Variants in BRCA2 observed in about 807,000 individuals in gnomAD.
BRCA2 encodes the protein BRCA2 DNA repair associated.
A neutral mutation model predicts 276.7 loss-of-function variants in BRCA2; 203 were observed. The observed-to-expected ratio is 0.73, with a 90% CI of 0.65 to 0.82. BRCA2 has a LOEUF of 0.82. BRCA2 is among the 40% of genes least tolerant of loss of function. The pLI, the probability that BRCA2 is intolerant of heterozygous loss-of-function variation, is 0.00. For missense variants in BRCA2, 3,920 were observed against 3,915.0 expected, an observed-to-expected ratio of 1.00 and a Z score of -0.03; for synonymous variants, 1,289 against 1,338.4, an observed-to-expected ratio of 0.96 and a Z score of 0.81.
At chr13:32,327,687 A>T (rs1299139419) in intron 7 of BRCA2, among the ~76,000 whole-genome samples, 2 of 151,570 alleles carry the variant, frequency 1.3e-5, no homozygotes, top group Non-Finnish European at 2.9e-5. Flanking sequence ...AAAAAAAAAA[A>T]TCCTGTTATA....
intron 18 of BRCA2, among the ~76,000 whole-genome samples, chr13:32,368,315 C>T (rs979439167): frequency 1.3e-5 from 2 of 151,894 alleles, no homozygotes; most frequent in Non-Finnish European, 2.9e-5. Flanking sequence ...CCTGTAAATC[C>T]AGAAAAGGAT....
intron 10 of BRCA2, among the ~76,000 whole-genome samples, chr13:32,334,084 G>T (rs562948364): frequency 3.3e-5 from 5 of 152,294 alleles, no homozygotes; most frequent in African/African-American, 1.2e-4. Flanking sequence ...TGAATGTACA[G>T]GTGGATGTAT....
intron 22 of BRCA2, 75 bp downstream of exon 22, chr13:32,379,590 A>G: frequency 1.9e-6 from 3 of 1,553,916 alleles, no homozygotes; most frequent in Non-Finnish European, 2.6e-6. Flanking sequence ...ATGATTATAA[A>G]TCCAGATAAA....
chr13:32,338,784 A>T lies in BRCA2; in HGVS notation c.4429A>T (p.Ile1477Phe), dbSNP rs1159807733. 2 of 1,612,624 alleles carry T rather than the reference A, an allele frequency of 1.2e-6. No individual in the cohort carries two copies. Among genetic ancestry groups the T allele is most frequent in the East Asian group, 4.5e-5 (2 of 44,868 alleles). The change falls in exon 11 of 27, where the codon ATT becomes TTT. Residue 1477 changes from isoleucine to phenylalanine, a missense_variant. Transcript: ENST00000380152. ...TGACATAAGAAAGAACAAAATGGACATTCTAAGTTATGAGGAAACAGACAT... is the reference window on the plus strand; with the variant it reads ...TGACATAAGAAAGAACAAAATGGACTTTCTAAGTTATGAGGAAACAGACAT... Reference protein sequence around the residue: ...HSDIRKNKMDILSYEETDIVK... With the variant: ...HSDIRKNKMDFLSYEETDIVK...
In BRCA2 at chr13:32,339,476, T is replaced by C. The variant is rs1555284078; in HGVS notation, c.5121T>C (p.Thr1707=). The C allele has an allele frequency of 6.3e-7, 1 of 1,584,412 alleles. No individual in the cohort carries two copies. Among genetic ancestry groups the C allele is most frequent in the South Asian group, 1.2e-5 (1 of 85,666 alleles). The change falls in exon 11 of 27, where the codon ACT becomes ACC. Residue 1707 remains threonine (T), a synonymous_variant. Coordinates refer to ENST00000380152, the MANE Select transcript of BRCA2 (RefSeq NM_000059.4). The part of the protein sequence containing the change: ...IFDGQPERIN[T]ADYVGNYLYE... ...ATGGTCAACCAGAAAGAATAAATAC[T>C]GCAGATTATGTAGGAAATTATTTGT...
intron 13 of BRCA2, among the ~76,000 whole-genome samples, chr13:32,354,653 C>A (rs1673104479): frequency 6.6e-6 from 1 of 152,024 alleles, no homozygotes; most frequent in African/African-American, 2.4e-5. Context: ...AGACTCTCTT[C>A]TATTATGTGT....
Position 32,336,862 on chromosome 13 carries a change from C to T in BRCA2, c.2507C>T (p.Pro836Leu), listed in dbSNP as rs397507288. Residue 836 changes from proline to leucine, a missense_variant, in exon 11 of 27, where the codon CCT becomes CTT. By Grantham distance (98) the Pro-to-Leu change is moderately conservative. Transcript: ENST00000380152. ...ENYKNVELLP[P>L]EKYMRVASPS... ...TATAAAAACGTTGAGCTGTTGCCAC[C>T]TGAAAAATACATGAGAGTAGCATCA... 1 of 1,609,794 alleles carries T rather than the reference C, an allele frequency of 6.2e-7. No individual in the cohort carries two copies. The highest frequency in any genetic ancestry group is 1.3e-5 in the African/African-American group (1 of 74,524).
At chr13:32,386,421 A>G (rs2072961227) in intron 24 of BRCA2, among the ~76,000 whole-genome samples, 1 of 152,158 alleles carries the variant, frequency 6.6e-6, no homozygotes, top group South Asian at 2.1e-4. Context: ...ATAAAGAAAA[A>G]ATGATAATCA....
rs762841458 is a variant in BRCA2, at chr13:32,338,698, A to T, written c.4343A>T (p.Asn1448Ile). ...AAAGAGTCATTTAATAAAATTGTAAATTTCTTTGATCAGAAACCAGAAGAA... is the reference window on the plus strand; with the variant it reads ...AAAGAGTCATTTAATAAAATTGTAATTTTCTTTGATCAGAAACCAGAAGAA... ...VAKESFNKIV[N>I]FFDQKPEELH... The change falls in exon 11 of 27, where the codon AAT (asparagine) becomes ATT (isoleucine). Residue 1448 changes from asparagine (N) to isoleucine (I), a missense_variant. Asn to Ile is a moderately radical substitution (Grantham distance 149, BLOSUM62 -3). This residue lies in a region of BRCA2 where 3,263 missense variants were observed against 3,156.9 expected (regional missense o/e 1.03). Transcript: ENST00000380152. 6.3e-6 allele frequency: 10 copies of T among 1,591,778 alleles called. No homozygotes were observed. Among genetic ancestry groups the T allele is most frequent in the Non-Finnish European group, 8.6e-6 (10 of 1,166,864 alleles).
intron 7 of BRCA2, among the ~76,000 whole-genome samples, chr13:32,328,875 A>AGTGTGT (rs397843915): frequency 6.6e-6 from 1 of 150,926 alleles, no homozygotes; most frequent in South Asian, 2.1e-4. Context: ...GCAGTCATAA[A>AGTGTGT]GTGTGTGTGT....
At chr13:32,322,624 A>G (rs1465660987) in intron 3 of BRCA2, among the ~76,000 whole-genome samples, 2 of 152,176 alleles carry the variant, frequency 1.3e-5, no homozygotes, top group Non-Finnish European at 2.9e-5. Context: ...CATTCCGGTA[A>G]ACCCACAAGC....
intron 3 of BRCA2, 64 bp downstream of exon 3, chr13:32,319,389 TA>T: frequency 6.8e-7 from 1 of 1,477,834 alleles, no homozygotes; most frequent in Non-Finnish European, 9.3e-7. Flanking sequence ...AAACCTGTGT[TA>T]AAATCTTAGC....
intron 21 of BRCA2, among the ~76,000 whole-genome samples, chr13:32,377,965 C>A (rs1413357135): frequency 6.6e-6 from 1 of 152,146 alleles, no homozygotes; most frequent in Non-Finnish European, 1.5e-5. Context: ...CCCTCCTGTT[C>A]CGAAATGTTA....
rs1359975493 is a variant in BRCA2 at position 32,325,084 on chromosome 13, G to A, written c.325G>A (p.Val109Ile). ...DKFKLDLGRN[V>I]PNSRHKSLRT... ...TTATTGTACTGTTTCAGGAAGGAATGTTCCCAATAGTAGACATAAAAGTCT... is the reference window on the plus strand; with the variant it reads ...TTATTGTACTGTTTCAGGAAGGAATATTCCCAATAGTAGACATAAAAGTCT... Residue 109 changes from valine (V) to isoleucine (I), a missense_variant, in exon 4 of 27, where the codon GTT (valine) becomes ATT (isoleucine). Physicochemically the swap from Val to Ile is conservative, Grantham distance 29. Around this residue, in one of 2 missense-constraint regions of BRCA2, gnomAD observed 3,263 missense variants for 3,156.9 expected, o/e 1.03. Transcript: ENST00000380152. 6.3e-7 allele frequency: 1 copy of A among 1,582,160 alleles called. No individual in the cohort carries two copies. The highest frequency in any genetic ancestry group is 1.1e-5 in the South Asian group (1 of 90,406).
intron 25 of BRCA2, chr13:32,396,062 C>G (rs1215388731): frequency 5.0e-6 from 1 of 200,426 alleles, no homozygotes; most frequent in Non-Finnish European, 1.0e-5. Context: ...CAGTGTCTGC[C>G]TCCTGGGCTC....
Position 32,330,987 on chromosome 13 carries a change from G to A in BRCA2, c.750G>A (p.Val250=), listed in dbSNP as rs143214959. The change falls in exon 9 of 27, where the codon GTG becomes GTA. Residue 250 remains valine, a synonymous_variant. Transcript: ENST00000380152. ...LKKNDRFIAS[V]TDSENTNQRE... ...AAAATGATAGATTTATCGCTTCTGT[G>A]ACAGACAGTGAAAACACAAATCAAA... The A allele has an allele frequency of 8.3e-5, 134 of 1,613,406 alleles. No individual in the cohort carries two copies. Among genetic ancestry groups the A allele is most frequent in the Non-Finnish European group, 1.1e-4 (128 of 1,179,546 alleles).
In BRCA2 at chr13:32,329,493, G is replaced by GT. The variant is rs587781486; in HGVS notation, c.681+2dup. Reference sequence around the variant, plus strand: ...TGTATTTCCTCATGATACTACTGCTGTAAGTAAATATGACATTGATTAGAC... The same window carrying GT: ...TGTATTTCCTCATGATACTACTGCTGTTAAGTAAATATGACATTGATTAGAC... On this transcript the variant is annotated splice_donor_variant, in intron 8 of 26. Coordinates refer to ENST00000380152, the MANE Select transcript of BRCA2 (RefSeq NM_000059.4). LOFTEE classifies it high-confidence loss of function. 1 of 1,592,074 alleles carries GT rather than the reference G, an allele frequency of 6.3e-7. No homozygotes were observed. The highest frequency in any genetic ancestry group is 8.6e-7 in the Non-Finnish European group (1 of 1,162,180).
intron 16 of BRCA2, among the ~76,000 whole-genome samples, chr13:32,359,537 T>C (rs1001590059): frequency 1.3e-5 from 2 of 152,238 alleles, no homozygotes. Context: ...AGATGGGATT[T>C]ATTTCCTCAG....
At chr13:32,387,448 A>T (rs777056701) in intron 24 of BRCA2, among the ~76,000 whole-genome samples, 10 of 152,222 alleles carry the variant, frequency 6.6e-5, no homozygotes, top group Non-Finnish European at 1.3e-4. Context: ...CATAAGGGCC[A>T]CTTGAGGGCT....
Sources: gnomAD v4.1 joint callset for allele counts (sites outside exome capture counted in the v4.1 genomes callset) on GRCh38, gnomAD v4.1.1 for gene constraint, gnomAD v4.1.1 regional missense constraint, MANE v1.5 for transcripts, NCBI Gene and HGNC (gene_info 2026-07-23, HGNC 2026-07-21) for gene names.